Variants in PTPN12 observed in about 807,000 individuals in gnomAD.
PTPN12 encodes tyrosine-protein phosphatase non-receptor type 12.
PTPN12 carries 29 observed loss-of-function variants against 97.6 expected under a neutral mutation model. That is an observed-to-expected ratio of 0.30 (90% CI 0.22 to 0.41). PTPN12 has a LOEUF of 0.41. Among genes scored for constraint, PTPN12 ranks in the 10% least tolerant of loss-of-function variants. The pLI, the probability that PTPN12 is intolerant of heterozygous loss-of-function variation, is 1.00. For synonymous variants in PTPN12, 327 were observed against 300.4 expected (o/e 1.09, Z -0.91); for missense variants, 819 against 926.0 (o/e 0.88, Z 1.50).
rs724159940 is a variant in PTPN12 at position 77,639,251 on chromosome 7, C to T, written c.2314C>T (p.Pro772Ser). The T allele has an allele frequency of 1.2e-6, 2 of 1,612,794 alleles. No homozygotes were observed. Among genetic ancestry groups the T allele is most frequent in the Non-Finnish European group, 1.7e-6 (2 of 1,179,362 alleles). ...FGNRCGKPKG[P>S]RDPPSEWT ...TAATCGATGTGGAAAACCCAAAGGACCAAGAGATCCACCTTCAGAATGGAC... is the reference window on the plus strand; with the variant it reads ...TAATCGATGTGGAAAACCCAAAGGATCAAGAGATCCACCTTCAGAATGGAC... The change falls in exon 18 of 18, where the codon CCA becomes TCA. Residue 772 changes from proline to serine, a missense_variant. Pro to Ser is a moderately conservative substitution (Grantham distance 74). Transcript: ENST00000248594.
At chr7:77,606,027 T>C (rs1319624222) in intron 8 of PTPN12, among the ~76,000 whole-genome samples, 2 of 132,640 alleles carry the variant, frequency 1.5e-5, no homozygotes, top group Non-Finnish European at 3.1e-5. Context: ...CGATCTTGGG[T>C]CACTGCAACC....
intron 8 of PTPN12, among the ~76,000 whole-genome samples, chr7:77,606,479 C>T (rs1370068511): frequency 6.6e-6 from 1 of 152,096 alleles, no homozygotes; most frequent in Non-Finnish European, 1.5e-5. Flanking sequence ...TTACTGCAGC[C>T]TCGACCTCCC....
intron 16 of PTPN12, among the ~76,000 whole-genome samples, chr7:77,637,399 A>G (rs991076546): frequency 3.3e-5 from 5 of 152,180 alleles, no homozygotes; most frequent in Non-Finnish European, 7.3e-5. Context: ...GTAGAAACCT[A>G]TTGTTTTAGA....
intron 2 of PTPN12, among the ~76,000 whole-genome samples, chr7:77,575,870 G>T (rs2151324739): frequency 6.6e-6 from 1 of 150,780 alleles, no homozygotes; most frequent in Non-Finnish European, 1.5e-5. Flanking sequence ...GTTTTTTTTT[G>T]AGATGAAGTC....
intron 9 of PTPN12, among the ~76,000 whole-genome samples, chr7:77,610,005 A>G (rs1268597616): frequency 1.3e-5 from 2 of 152,226 alleles, no homozygotes; most frequent in African/African-American, 4.8e-5. Flanking sequence ...CTTGTTGATA[A>G]CAGTTATGAT....
intron 7 of PTPN12, among the ~76,000 whole-genome samples, chr7:77,598,968 T>A (rs1788106858): frequency 6.6e-6 from 1 of 151,306 alleles, no homozygotes; most frequent in Non-Finnish European, 1.5e-5. Context: ...TAAAACAAGC[T>A]ATATAAATAG....
At chr7:77,572,137 C>T (rs528460978) in intron 2 of PTPN12, among the ~76,000 whole-genome samples, 9 of 150,122 alleles carry the variant, frequency 6.0e-5, no homozygotes, top group African/African-American at 2.0e-4. Context: ...CTCTGTAGCC[C>T]AGGCTGGAGT....
chr7:77,553,633 A>AT (rs1383925174), intron 1 of PTPN12, among the ~76,000 whole-genome samples: 4 of 152,226 alleles, frequency 2.6e-5, no homozygotes, highest in South Asian at 4.2e-4. Flanking sequence ...TAGCTGATAT[A>AT]TTTTTTTCCA....
At chr7:77,582,512 G>A (rs947874811) in intron 3 of PTPN12, among the ~76,000 whole-genome samples, 2 of 151,958 alleles carry the variant, frequency 1.3e-5, no homozygotes, top group Non-Finnish European at 1.5e-5. Flanking sequence ...GGCCGGGCAC[G>A]GTGGCTCATG....
At chr7:77,626,395 A>G (rs576566524) in intron 12 of PTPN12, among the ~76,000 whole-genome samples, 18 of 152,350 alleles carry the variant, frequency 1.2e-4, no homozygotes, top group African/African-American at 3.8e-4. Flanking sequence ...AACTTTTGAA[A>G]TAGTCTGAAA....
In PTPN12 at chr7:77,635,868, G is replaced by A; in HGVS notation, c.2142+19G>A. 1 of 1,561,094 alleles carries A rather than the reference G, an allele frequency of 6.4e-7. No individual in the cohort carries two copies. Among genetic ancestry groups the A allele is most frequent in the Admixed American group, 1.8e-5 (1 of 55,658 alleles). On this transcript the variant is annotated intron_variant, in intron 15 of 17. Coordinates refer to ENST00000248594, the MANE Select transcript of PTPN12 (RefSeq NM_002835.4). Reference sequence around the variant, plus strand: ...GTCTGAAGTAAGTCCTTTTGGAATTGGAACAGTTATAGCTTAACATTTCTA... The same window carrying A: ...GTCTGAAGTAAGTCCTTTTGGAATTAGAACAGTTATAGCTTAACATTTCTA...
intron 1 of PTPN12, among the ~76,000 whole-genome samples, chr7:77,562,270 G>T (rs968779698): frequency 3.3e-5 from 5 of 152,250 alleles, no homozygotes; most frequent in Admixed American, 6.5e-5. Flanking sequence ...GGCCAAGCTG[G>T]TCTCAAACTC....
At chr7:77,622,392 A>G (rs769774458) in intron 12 of PTPN12, among the ~76,000 whole-genome samples, 1 of 152,228 alleles carries the variant, frequency 6.6e-6, no homozygotes, top group Non-Finnish European at 1.5e-5. Context: ...GAAAAAAGAA[A>G]CAACAGTCCA....
In PTPN12 at chr7:77,571,695, T is replaced by TTTTA. The variant is rs61370850; in HGVS notation, c.208+533_208+536dup. 1.4e-3 allele frequency among the ~76,000 whole-genome samples: 216 copies of TTTTA among 150,804 alleles called. 1 individual carries two copies. The highest frequency in any genetic ancestry group is 2.7e-3 in the Non-Finnish European group (184 of 67,776). On this transcript the variant is annotated intron_variant, in intron 2 of 17. Coordinates refer to ENST00000248594, the MANE Select transcript of PTPN12 (RefSeq NM_002835.4). ...CTGATTGCATTACATTCTAATGATA[T>TTTTA]TTTATTTATTTATTTATTTATTTAT...
At chr7:77,540,223 C>A (rs1296360714) in intron 1 of PTPN12, among the ~76,000 whole-genome samples, 2 of 146,328 alleles carry the variant, frequency 1.4e-5, no homozygotes, top group Admixed American at 6.7e-5. Flanking sequence ...GAGTTCATTT[C>A]TTTCTTTCTT....
intron 5 of PTPN12, among the ~76,000 whole-genome samples, chr7:77,587,468 T>C (rs7786443): frequency 0.021 from 3,205 of 151,894 alleles, 107 homozygotes; most frequent in African/African-American, 0.072. Context: ...GGGGGTGGGG[T>C]TGAAAAAACA....
chr7:77,597,683 G>A (rs1216599219), intron 6 of PTPN12, among the ~76,000 whole-genome samples, 159 bp from the exon 7 acceptor site: 1 of 152,140 alleles, frequency 6.6e-6, no homozygotes, highest in Non-Finnish European at 1.5e-5. Context: ...CATTTCAAAT[G>A]TTTGATGACT....
At position 77,564,176 on chromosome 7, in the gene PTPN12, G is replaced by A. The variant is rs116475632; in HGVS notation, c.100-6902G>A. On this transcript the variant is annotated intron_variant, in intron 1 of 17. Coordinates refer to ENST00000248594, the MANE Select transcript of PTPN12 (RefSeq NM_002835.4). ...TTACAGGCACAAGCCACCGTGCCCA[G>A]CCCATATACATATTTTTATGTAAGT... The A allele has an allele frequency of 1.4e-3, 238 of 168,042 alleles. 2 individuals carry two copies. Among genetic ancestry groups the A allele is most frequent in the African/African-American group, 5.3e-3 (223 of 41,834 alleles). 10.4% of individuals were successfully genotyped at this position (168,042 alleles called of 1,614,324 possible).
At chr7:77,546,512 T>C (rs1197350777) in intron 1 of PTPN12, among the ~76,000 whole-genome samples, 1 of 152,242 alleles carries the variant, frequency 6.6e-6, no homozygotes, top group East Asian at 1.9e-4. Flanking sequence ...CCTTGACAAT[T>C]ATCTCCTTCC....
Sources: allele counts gnomAD v4.1 joint callset (sites outside exome capture counted in the v4.1 genomes callset), GRCh38; gene constraint gnomAD v4.1.1; transcripts MANE v1.5; gene names NCBI Gene and HGNC (gene_info 2026-07-23, HGNC 2026-07-21).